FKBP1B: variants seen among roughly 807,000 people sequenced by gnomAD.
FKBP1B encodes FKBP prolyl isomerase 1B.
A neutral mutation model predicts 13.5 loss-of-function variants in FKBP1B; 4 were observed. The observed-to-expected ratio is 0.30, with a 90% CI of 0.15 to 0.68. The LOEUF (loss-of-function observed/expected upper bound fraction) is 0.68, where lower values mean the gene tolerates loss of function less well. FKBP1B is among the 30% of genes least tolerant of loss of function. FKBP1B has a pLI of 0.76. For missense variants in FKBP1B, 93 were observed against 136.2 expected, an observed-to-expected ratio of 0.68 and a Z score of 1.58; for synonymous variants, 54 against 53.6, an observed-to-expected ratio of 1.01 and a Z score of -0.03.
intron 1 of FKBP1B, among the ~76,000 whole-genome samples, chr2:24,053,423 C>G (rs1181651030): frequency 6.6e-6 from 1 of 151,676 alleles, no homozygotes; most frequent in South Asian, 2.1e-4. Flanking sequence ...GCCACCATGC[C>G]TGGCCTCTCA....
the FKBP1B span, among the ~76,000 whole-genome samples, chr2:24,040,746 G>A: frequency 1.3e-5 from 2 of 152,216 alleles, no homozygotes; most frequent in East Asian, 1.9e-4. Flanking sequence ...GCTGGGCGTG[G>A]TGACTCACGC....
chr2:24,058,750 A>G (rs1167101536), intron 2 of FKBP1B, among the ~76,000 whole-genome samples: 2 of 152,224 alleles, frequency 1.3e-5, no homozygotes, highest in Admixed American at 6.5e-5. Flanking sequence ...GTGTGAGTGC[A>G]TAAGTGCATG....
upstream of FKBP1B, among the ~76,000 whole-genome samples, chr2:24,048,470 CAAAAAAA>C (rs11367799): frequency 1.0e-4 from 9 of 87,042 alleles, no homozygotes; most frequent in Non-Finnish European, 1.6e-4. Context: ...GATTCTGTCT[CAAAAAAA>C]AAAAAAAAAA....
chr2:24,054,296 C>T (rs1057380181), intron 2 of FKBP1B: 24 of 443,774 alleles, frequency 5.4e-5, no homozygotes, highest in African/African-American at 1.8e-4. Context: ...TAGAGCTCCC[C>T]GCAGACTTTC....
At chr2:24,062,273 A>G (rs1448813495) in intron 3 of FKBP1B, among the ~76,000 whole-genome samples, 1 of 152,024 alleles carries the variant, frequency 6.6e-6, no homozygotes, top group Non-Finnish European at 1.5e-5. Context: ...CCCAGGTTCA[A>G]GCAATTTTCC....
intron 2 of FKBP1B, among the ~76,000 whole-genome samples, chr2:24,055,544 G>C (rs1437410997): frequency 6.6e-6 from 1 of 152,068 alleles, no homozygotes; most frequent in African/African-American, 2.4e-5. Context: ...CCATGGATTG[G>C]TTTTGCCTAT....
intron 2 of FKBP1B, 112 bp downstream of exon 2, chr2:24,054,061 C>T (rs777070573): frequency 3.0e-6 from 3 of 1,011,842 alleles, no homozygotes; most frequent in South Asian, 2.6e-5. Context: ...AAGCCCAAGG[C>T]AGCAGGGTCT....
chr2:24,062,890 G>A (rs1573701829), intron 3 of FKBP1B, 174 bp from the exon 4 acceptor site: 11 of 915,260 alleles, frequency 1.2e-5, no homozygotes, highest in Non-Finnish European at 1.8e-5. Context: ...GGCAGAATCT[G>A]CGTTTGTTAA....
chr2:24,044,013 C>T, the FKBP1B span, among the ~76,000 whole-genome samples: 1 of 152,184 alleles, frequency 6.6e-6, no homozygotes, highest in Non-Finnish European at 1.5e-5. Context: ...CTCTGTCCCA[C>T]TGGTCTTATG....
At chr2:24,036,024 G>A in the FKBP1B span, among the ~76,000 whole-genome samples, 24 of 150,252 alleles carry the variant, frequency 1.6e-4, no homozygotes, top group Admixed American at 2.7e-4. Context: ...AGCTGAGATC[G>A]CGCCACTGCA....
the FKBP1B span, among the ~76,000 whole-genome samples, chr2:24,035,709 C>G: frequency 1.3e-4 from 20 of 150,402 alleles, no homozygotes; most frequent in South Asian, 2.1e-4. Context: ...GAGCCCAGGA[C>G]TTCCAAACAA....
the FKBP1B span, among the ~76,000 whole-genome samples, chr2:24,034,611 T>A: frequency 6.6e-6 from 1 of 150,454 alleles, no homozygotes; most frequent in African/African-American, 2.4e-5. Context: ...TCTTGCTCTG[T>A]TTCCCAGGCT....
upstream of FKBP1B, chr2:24,045,863 G>A (rs1174819540): frequency 1.3e-5 from 2 of 152,038 alleles, no homozygotes; most frequent in Non-Finnish European, 2.9e-5. Context: ...CATATACTAA[G>A]ACTGAAATGA....
At chr2:24,036,260 C>T in the FKBP1B span, among the ~76,000 whole-genome samples, 1 of 151,272 alleles carries the variant, frequency 6.6e-6, no homozygotes, top group Non-Finnish European at 1.5e-5. Context: ...AATCCCAGCA[C>T]TTTGGGAGGC....
chr2:24,051,076 C>T lies in FKBP1B; in HGVS notation c.37+1190C>T, dbSNP rs1378627710. On this transcript the variant is annotated intron_variant, in intron 1 of 3. Transcript: ENST00000380986. The stretch of plus-strand genomic sequence containing the variant: ...CTTCTTAAAATGCAGTGGCTCACGC[C>T]TGTAATCCCAGCACTTTGGGAGGCT... Among the ~76,000 whole-genome samples the T allele has an allele frequency of 2.0e-5, 3 of 152,216 alleles. No individual in the cohort carries two copies. In the East Asian group the frequency reaches 5.8e-4, roughly 29 times the overall value.
the FKBP1B span, chr2:24,037,657 T>C: frequency 1.9e-6 from 3 of 1,588,370 alleles, no homozygotes; most frequent in South Asian, 1.1e-5. Flanking sequence ...ATAGTGGTAG[T>C]TCCTCAAAGG....
chr2:24,041,878 A>G, the FKBP1B span, among the ~76,000 whole-genome samples: 1 of 142,818 alleles, frequency 7.0e-6, no homozygotes, highest in Non-Finnish European at 1.5e-5. Flanking sequence ...AAAAAAAAAA[A>G]AAAGATACAT....
the FKBP1B span, among the ~76,000 whole-genome samples, chr2:24,035,379 G>T: frequency 1.3e-5 from 2 of 151,860 alleles, no homozygotes; most frequent in Non-Finnish European, 2.9e-5. Flanking sequence ...TCTGCATAAA[G>T]AAATAAAAAT....
the FKBP1B span, chr2:24,037,624 A>G: frequency 6.6e-7 from 1 of 1,515,750 alleles, no homozygotes; most frequent in Non-Finnish European, 8.8e-7. Flanking sequence ...TGCAGTACTC[A>G]CCGGCTGCAG....
Sources: allele counts gnomAD v4.1 joint callset (sites outside exome capture counted in the v4.1 genomes callset), GRCh38; gene constraint gnomAD v4.1.1; transcripts MANE v1.5; gene names NCBI Gene and HGNC (gene_info 2026-07-23, HGNC 2026-07-21).